The following RBFOX1 variants were observed in gnomAD, a reference collection of about 807,000 sequenced individuals.
RBFOX1 encodes the protein RNA binding protein fox-1 homolog 1.
RBFOX1 carries 8 observed loss-of-function variants against 57.7 expected under a neutral mutation model. The ratio of observed to expected loss-of-function variants is 0.14; its 90% CI spans 0.08 to 0.25. The LOEUF is 0.25. Among genes scored for constraint, RBFOX1 ranks in the 10% least tolerant of loss-of-function variants. RBFOX1 has a pLI of 1.00. For missense variants in RBFOX1, 611 were observed against 548.5 expected (o/e 1.11, Z -1.14); for synonymous variants, 326 against 222.4 (o/e 1.47, Z -4.15).
intron 3 of RBFOX1, among the ~76,000 whole-genome samples, chr16:5,694,805 TTTTG>T (rs1166266607): frequency 6.2e-5 from 2 of 32,058 alleles, no homozygotes; most frequent in Non-Finnish European, 2.2e-4. Flanking sequence ...TTGTTTTTGT[TTTTG>T]TTTTTGTTTT....
intron 3 of RBFOX1, among the ~76,000 whole-genome samples, chr16:5,652,515 G>T (rs990158059): frequency 1.3e-5 from 2 of 152,086 alleles, no homozygotes; most frequent in African/African-American, 4.8e-5. Context: ...GCAACAGGAG[G>T]GATGACAGGA....
chr16:5,786,070 C>T (rs1456470668), intron 3 of RBFOX1, among the ~76,000 whole-genome samples: 1 of 152,172 alleles, frequency 6.6e-6, no homozygotes, highest in Non-Finnish European at 1.5e-5. Context: ...GTCCTACTGC[C>T]CTTTGGATGA....
intron 3 of RBFOX1, among the ~76,000 whole-genome samples, chr16:6,803,471 G>C (rs1304705483): frequency 6.6e-6 from 1 of 152,124 alleles, no homozygotes; most frequent in African/African-American, 2.4e-5. Context: ...TACTTTCCTA[G>C]GGACTGAAAT....
At chr16:7,284,606 C>CA (rs2095612556) in intron 4 of RBFOX1, among the ~76,000 whole-genome samples, 1 of 152,182 alleles carries the variant, frequency 6.6e-6, no homozygotes, top group African/African-American at 2.4e-5. Flanking sequence ...GCTAGGATGA[C>CA]AGGCATAAGC....
intron 1 of RBFOX1, among the ~76,000 whole-genome samples, chr16:6,316,282 A>G (rs2081115049): frequency 6.6e-6 from 1 of 152,156 alleles, no homozygotes; most frequent in African/African-American, 2.4e-5. Context: ...ACTATAGGAG[A>G]TTATAATAGC....
At chr16:7,432,160 G>A (rs922144533) in intron 4 of RBFOX1, among the ~76,000 whole-genome samples, 4 of 152,250 alleles carry the variant, frequency 2.6e-5, no homozygotes, top group Admixed American at 1.3e-4. Flanking sequence ...AGGGGTGCCT[G>A]CTGGCACCCA....
chr16:6,716,216 G>T (rs1417078606), intron 3 of RBFOX1, among the ~76,000 whole-genome samples: 1 of 152,220 alleles, frequency 6.6e-6, no homozygotes, highest in Non-Finnish European at 1.5e-5. Context: ...CAAAAATGAT[G>T]CAAGAAATTG....
chr16:6,766,977 G>A (rs1201438631), intron 3 of RBFOX1, among the ~76,000 whole-genome samples: 2 of 152,136 alleles, frequency 1.3e-5, no homozygotes, highest in South Asian at 4.2e-4. Flanking sequence ...GCTGAAGGCT[G>A]AAGGAACAAC....
intron 1 of RBFOX1, among the ~76,000 whole-genome samples, chr16:5,418,539 G>C (rs745973653): frequency 6.6e-6 from 1 of 152,106 alleles, no homozygotes; most frequent in Non-Finnish European, 1.5e-5. Context: ...AGAGAGAGAG[G>C]CTGTTGTTAG....
At position 5,284,756 on chromosome 16, in the gene RBFOX1, A is replaced by ATTTTTTTTTTTTTTTTTTTTT. The variant is rs1166998032; in HGVS notation, c.219+44657_219+44677dup. Among the ~76,000 whole-genome samples, 105 of 61,046 alleles carry ATTTTTTTTTTTTTTTTTTTTT rather than the reference A, an allele frequency of 1.7e-3. 8 individuals are homozygous for ATTTTTTTTTTTTTTTTTTTTT. The highest frequency in any genetic ancestry group is 2.0e-3 in the Non-Finnish European group (67 of 33,612). The allele number at this position is 61,046 out of a possible 152,430, so 40.0% of individuals were successfully genotyped here. On this transcript the variant is annotated intron_variant, in intron 1 of 2. Coordinates refer to the RBFOX1 transcript ENST00000585867. Reference sequence around the variant, plus strand: ...GCTGGGTATAGTAGTTTTGGCTTAGATTTTTTTTTTTTTTTTTTTTTTTTT... The same window carrying ATTTTTTTTTTTTTTTTTTTTT: ...GCTGGGTATAGTAGTTTTGGCTTAGATTTTTTTTTTTTTTTTTTTTTTTTTTTTTTTTTTTTTTTTTTTTTT...
intron 3 of RBFOX1, among the ~76,000 whole-genome samples, chr16:6,752,961 G>C (rs766074676): frequency 6.6e-6 from 1 of 152,060 alleles, no homozygotes; most frequent in Non-Finnish European, 1.5e-5. Flanking sequence ...GTACTTGGTT[G>C]CTATGGAGAA....
At chr16:5,319,513 T>G (rs546431315) in intron 1 of RBFOX1, among the ~76,000 whole-genome samples, 6 of 152,284 alleles carry the variant, frequency 3.9e-5, no homozygotes, top group African/African-American at 1.4e-4. Flanking sequence ...AGGAGCCATC[T>G]CCAAGAATCC....
At chr16:6,574,424 A>T (rs371584800) in intron 2 of RBFOX1, among the ~76,000 whole-genome samples, 260 of 89,806 alleles carry the variant, frequency 2.9e-3, no homozygotes, top group Admixed American at 4.9e-3. Context: ...CGTATCTTCT[A>T]TTTTTTTTTT....
intron 3 of RBFOX1, among the ~76,000 whole-genome samples, chr16:5,865,883 C>A (rs1428180996): frequency 6.6e-6 from 1 of 151,766 alleles, no homozygotes; most frequent in African/African-American, 2.4e-5. Context: ...CTGCATGTGG[C>A]CTTTCCTGTG....
intron 4 of RBFOX1, among the ~76,000 whole-genome samples, chr16:7,244,825 C>T (rs1055764247): frequency 2.0e-5 from 3 of 152,174 alleles, no homozygotes; most frequent in Admixed American, 2.0e-4. Flanking sequence ...GTTTTGTTTC[C>T]TTGTTCCCAC....
Position 7,309,883 on chromosome 16 carries a change from A to G in RBFOX1, c.28-208264A>G, listed in dbSNP as rs558819454. ...GTGTGGGTGTAATTGTCCCATCTGC[A>G]GACCCCTTTTTAATGGACGGGGAGA... On this transcript the variant is annotated intron_variant, in intron 4 of 15. Transcript: ENST00000550418. 2.1e-3 allele frequency among the ~76,000 whole-genome samples: 321 copies of G among 152,334 alleles called. 1 individual carries two copies. The highest frequency in any genetic ancestry group is 7.3e-3 in the African/African-American group (305 of 41,586).
chr16:6,822,527 C>T lies in RBFOX1; in HGVS notation c.-16+167877C>T, dbSNP rs1181329585. Among the ~76,000 whole-genome samples the T allele has an allele frequency of 7.9e-5, 12 of 152,234 alleles. No homozygotes were observed. The East Asian group carries it at 2.3e-3, about 29-fold the overall frequency. On this transcript the variant is annotated intron_variant, in intron 3 of 15. Coordinates refer to ENST00000550418, the MANE Select transcript of RBFOX1 (RefSeq NM_018723.4). ...TCACAACAGGAATGCAATTCCACTT[C>T]GTGGCTAGAGATAAAACATGTCTTG...
At chr16:6,615,779 C>G (rs528323975) in intron 2 of RBFOX1, among the ~76,000 whole-genome samples, 23 of 152,264 alleles carry the variant, frequency 1.5e-4, no homozygotes, top group African/African-American at 5.3e-4. Context: ...CGTGAGAAGT[C>G]AGCTCTGCCA....
At chr16:5,608,265 G>C (rs2151234352) in intron 3 of RBFOX1, among the ~76,000 whole-genome samples, 1 of 152,296 alleles carries the variant, frequency 6.6e-6, no homozygotes, top group Middle Eastern at 3.4e-3. Flanking sequence ...AGCTGACTGG[G>C]TCAGTGTTGC....
Sources: gnomAD v4.1 joint callset for allele counts (sites outside exome capture counted in the v4.1 genomes callset) on GRCh38, gnomAD v4.1.1 for gene constraint, MANE v1.5 for transcripts, NCBI Gene and HGNC (gene_info 2026-07-23, HGNC 2026-07-21) for gene names.